The following POLN variants were observed in gnomAD, a reference collection of about 807,000 sequenced individuals.
POLN encodes DNA polymerase nu.
Under a neutral mutation model 113.5 loss-of-function variants are expected in POLN, and 108 were observed. That is an observed-to-expected ratio of 0.95 (90% CI 0.81 to 1.12). The LOEUF (loss-of-function observed/expected upper bound fraction) is 1.12, where lower values mean the gene tolerates loss of function less well. POLN is among the 50% of genes most tolerant of loss of function. The pLI is 0.00. For missense variants in POLN, 1,097 were observed against 1,077.1 expected (o/e 1.02, Z -0.26); for synonymous variants, 386 against 391.5 (o/e 0.99, Z 0.17).
chr4:2,238,805 G>A (rs1734860501), intron 2 of POLN: 1 of 1,613,168 alleles, frequency 6.2e-7, no homozygotes, highest in African/African-American at 1.3e-5. Flanking sequence ...AAGTTCAAAT[G>A]ATGCCTTTTG....
intron 19 of POLN, among the ~76,000 whole-genome samples, chr4:2,113,154 C>T (rs1044149472): frequency 6.9e-6 from 1 of 144,898 alleles, no homozygotes; most frequent in East Asian, 2.0e-4. Context: ...CCAAACACTG[C>T]ATGTTCTCAC....
chr4:2,195,889 C>T lies in POLN; in HGVS notation c.909-2573G>A, dbSNP rs1733561021. Among the ~76,000 whole-genome samples, 3 of 152,246 alleles carry T rather than the reference C, an allele frequency of 2.0e-5. No homozygotes were observed. The South Asian group carries it at 6.2e-4, about 32-fold the overall frequency. On this transcript the variant is annotated intron_variant, in intron 6 of 25. Coordinates refer to ENST00000511885, the MANE Select transcript of POLN (RefSeq NM_181808.4). ...TAGAATTAGAAAAATCACCATCTTA[C>T]TAGCCGGAATTAAATAAGTGATTTA...
chr4:2,079,360 CTG>C (rs1321605522), intron 23 of POLN: 13 of 903,988 alleles, frequency 1.4e-5, no homozygotes, highest in Non-Finnish European at 1.6e-5. Context: ...CCTGCAGAAA[CTG>C]TGGAAGTGAG....
chr4:2,125,847 C>G (rs1009572968), intron 19 of POLN, among the ~76,000 whole-genome samples: 1 of 152,050 alleles, frequency 6.6e-6, no homozygotes, highest in Non-Finnish European at 1.5e-5. Context: ...ACAGAGATGC[C>G]AGGAGGAAGG....
intron 9 of POLN, 64 bp downstream of exon 9, chr4:2,176,202 G>A (rs6823382): frequency 0.092 from 119,908 of 1,305,830 alleles, 10,379 homozygotes; most frequent in African/African-American, 0.35. Context: ...GGGAGTGCGG[G>A]TGCCAATGAA....
chr4:2,107,604 A>G (rs1731095786), intron 19 of POLN, among the ~76,000 whole-genome samples: 1 of 152,172 alleles, frequency 6.6e-6, no homozygotes, highest in African/African-American at 2.4e-5. Flanking sequence ...GGAGATAACG[A>G]AGGCCTGATC....
At chr4:2,234,520 C>G (rs1186198464) in intron 2 of POLN, 1 of 153,792 alleles carries the variant, frequency 6.5e-6, no homozygotes, top group Non-Finnish European at 1.5e-5. Flanking sequence ...CCCCACCTTT[C>G]CTCTGTTCTC....
chr4:2,090,244 T>A (rs1223446444), intron 20 of POLN: 1 of 800,220 alleles, frequency 1.2e-6, no homozygotes, highest in East Asian at 2.4e-5. Flanking sequence ...AAATTCTACA[T>A]GCTATCTTGT....
chr4:2,218,964 T>C (rs1210610533), intron 3 of POLN, among the ~76,000 whole-genome samples: 1 of 152,194 alleles, frequency 6.6e-6, no homozygotes, highest in African/African-American at 2.4e-5. Flanking sequence ...AGGATGGCAC[T>C]AACTTCTGCC....
intron 2 of POLN, chr4:2,230,469 A>G (rs1734540631): frequency 6.6e-6 from 1 of 152,164 alleles, no homozygotes; most frequent in African/African-American, 2.4e-5. Context: ...AAAAACATAT[A>G]CAACAAAAAA....
intron 13 of POLN, among the ~76,000 whole-genome samples, chr4:2,159,877 AC>A (rs1732534008): frequency 6.6e-6 from 1 of 151,008 alleles, no homozygotes; most frequent in African/African-American, 2.5e-5. Flanking sequence ...GTAGAACATT[AC>A]CCATTCCACC....
intron 6 of POLN, among the ~76,000 whole-genome samples, chr4:2,197,798 C>T (rs554693784): frequency 2.2e-4 from 33 of 152,206 alleles, no homozygotes; most frequent in Non-Finnish European, 3.5e-4. Context: ...AGGCTAGTAA[C>T]GGGGCCCAAC....
intron 16 of POLN, among the ~76,000 whole-genome samples, chr4:2,142,043 G>A (rs1289702098): frequency 1.3e-5 from 2 of 152,206 alleles, no homozygotes; most frequent in Non-Finnish European, 2.9e-5. Context: ...TCTCCCTCCT[G>A]TGAAGTGGGT....
intron 19 of POLN, among the ~76,000 whole-genome samples, chr4:2,115,287 C>T (rs1025087993): frequency 1.2e-4 from 18 of 147,174 alleles, no homozygotes; most frequent in African/African-American, 3.8e-4. Flanking sequence ...AGGCTGGTTT[C>T]GAACTCCTAA....
intron 19 of POLN, among the ~76,000 whole-genome samples, chr4:2,113,099 A>C (rs1309667994): frequency 6.6e-6 from 1 of 151,874 alleles, no homozygotes; most frequent in Non-Finnish European, 1.5e-5. Context: ...ACATGGATGA[A>C]GCTGGAAACC....
intron 16 of POLN, among the ~76,000 whole-genome samples, chr4:2,137,776 C>T (rs561123252): frequency 7.8e-4 from 118 of 152,226 alleles, no homozygotes; most frequent in African/African-American, 2.8e-3. Flanking sequence ...ATTCCACATG[C>T]GTATTGGCTG....
chr4:2,139,876 T>G (rs1011122500), intron 16 of POLN: 2 of 43,924 alleles, frequency 4.6e-5, no homozygotes, highest in African/African-American at 1.1e-4. Flanking sequence ...AAAGACTACA[T>G]CAGGAAAGAA....
intron 19 of POLN, among the ~76,000 whole-genome samples, chr4:2,105,370 T>C (rs776576385): frequency 1.6e-4 from 24 of 152,168 alleles, no homozygotes; most frequent in Non-Finnish European, 2.6e-4. Context: ...CTCAGCACCA[T>C]GCAATTTGAA....
intron 16 of POLN, among the ~76,000 whole-genome samples, chr4:2,146,382 C>T (rs1012667442): frequency 2.6e-5 from 4 of 152,150 alleles, no homozygotes; most frequent in Non-Finnish European, 4.4e-5. Context: ...GTGGCACGCA[C>T]CTGTAATCCC....
Sources: gnomAD v4.1 joint callset for allele counts (sites outside exome capture counted in the v4.1 genomes callset) on GRCh38, gnomAD v4.1.1 for gene constraint, MANE v1.5 for transcripts, NCBI Gene and HGNC (gene_info 2026-07-23, HGNC 2026-07-21) for gene names.